SMS: variants seen among roughly 807,000 people sequenced by gnomAD.
SMS encodes spermine synthase, also known as spermidine aminopropyltransferase.
A neutral mutation model predicts 33.0 loss-of-function variants in SMS; 3 were observed. The ratio of observed to expected loss-of-function variants is 0.09; its 90% confidence interval spans 0.04 to 0.23. The LOEUF (loss-of-function observed/expected upper bound fraction) is 0.23. Ranked by LOEUF, SMS falls within the 10% of genes least tolerant of loss-of-function variation. SMS has a pLI of 1.00. For synonymous variants in SMS, 103 were observed against 112.2 expected (o/e 0.92, Z 0.52); for missense variants, 117 against 288.6 (o/e 0.41, Z 4.31).
chrX:21,992,376 A>C (rs942147128), intron 9 of SMS, among the ~76,000 whole-genome samples: 1 of 112,724 alleles, frequency 8.9e-6, no homozygotes, highest in Non-Finnish European at 1.9e-5. Flanking sequence ...ATATTCTAAT[A>C]ATTTGAAATG....
intron 1 of SMS, among the ~76,000 whole-genome samples, chrX:21,950,424 A>G (rs1922520988): frequency 2.1e-5 from 2 of 94,510 alleles, no homozygotes; most frequent in African/African-American, 4.2e-5. Flanking sequence ...ATGCAAGAAT[A>G]TGACAGGACT....
At position 21,940,733 on chromosome X, in the gene SMS, A is replaced by ACTCCCAGCCGGGCGCAGCG; in HGVS notation, c.-91_-90insTCCCAGCCGGGCGCAGCGC. On this transcript the variant is annotated 5_prime_UTR_variant, in exon 1 of 11. Transcript: ENST00000404933. Reference sequence around the variant, plus strand: ...TAGTCCTGGCCTCCCCGGGCGCAGCACACTCCCAGCCGGCCGCAGCCTGAC... The same window carrying ACTCCCAGCCGGGCGCAGCG: ...TAGTCCTGGCCTCCCCGGGCGCAGCACTCCCAGCCGGGCGCAGCGCACTCCCAGCCGGCCGCAGCCTGAC... 7 of 746,355 alleles carry ACTCCCAGCCGGGCGCAGCG rather than the reference A, an allele frequency of 9.4e-6. No homozygotes were observed. The highest frequency in any genetic ancestry group is 9.5e-6 in the Non-Finnish European group (5 of 527,959). 61.5% of individuals were successfully genotyped at this position (746,355 alleles called of 1,213,427 possible). A position where few individuals can be genotyped will look rare whatever the true frequency, so the allele number is the denominator to read the frequency against.
Position 21,985,087 on chromosome X carries a change from G to T in SMS, c.866-57G>T. ...TTGAGTATTCGAATATTTTACTTCA[G>T]ATGTTGTGGATACATACAAACCCAT... On this transcript the variant is annotated intron_variant, in intron 8 of 10. Transcript: ENST00000404933. 4.1e-6 allele frequency: 3 copies of T among 734,675 alleles called. No homozygotes were observed. The South Asian group carries it at 6.3e-5, about 16-fold the overall frequency. The allele number at this position is 734,675 out of a possible 1,213,427, so 60.5% of individuals were successfully genotyped here. A position where few individuals can be genotyped will look rare whatever the true frequency, so the allele number is the denominator to read the frequency against.
At chrX:21,944,544 A>AAAAAAAAAAAAAAAAAAAAAGAAAAG (rs1555992699) in intron 1 of SMS, among the ~76,000 whole-genome samples, 14 of 99,044 alleles carry the variant, frequency 1.4e-4, no homozygotes, top group East Asian at 6.7e-4. Flanking sequence ...AAAAAAAAAA[A>AAAAAAAAAAAAAAAAAAAAAGAAAAG]AGAAAAAAAA....
intron 8 of SMS, among the ~76,000 whole-genome samples, 156 bp from the exon 9 acceptor site, chrX:21,984,988 T>C (rs1294046468): frequency 1.8e-5 from 2 of 112,328 alleles, no homozygotes; most frequent in African/African-American, 3.2e-5. Context: ...ATCAATTTCA[T>C]TATCGTTCAT....
intron 9 of SMS, among the ~76,000 whole-genome samples, chrX:21,988,664 AAAAAAAAAAAAAAAAAAAAAAAAAAAAAG>A (rs1251148665): frequency 8.2e-4 from 4 of 4,892 alleles, no homozygotes; most frequent in Non-Finnish European, 1.8e-3. Flanking sequence ...CTCTGTCTCA[AAAAAAAAAAAAAAAAAAAAAAAAAAAAAG>A]GAGTCAGGTT....
At chrX:21,941,190 G>A (rs1221322244) in intron 1 of SMS, 1 of 113,681 alleles carries the variant, frequency 8.8e-6, no homozygotes, top group Non-Finnish European at 1.8e-5. Context: ...ACGCGGGCTC[G>A]CCGCCTTCGC....
intron 1 of SMS, among the ~76,000 whole-genome samples, chrX:21,957,699 A>T (rs368089766): frequency 9.8e-4 from 110 of 112,414 alleles, no homozygotes; most frequent in Middle Eastern, 4.6e-3. Flanking sequence ...GCTGTTTTCC[A>T]TAGTGGTTGT....
chrX:21,971,088 C>G (rs753397048), intron 2 of SMS, among the ~76,000 whole-genome samples: 1 of 108,551 alleles, frequency 9.2e-6, no homozygotes, highest in Non-Finnish European at 1.9e-5. Flanking sequence ...CCCAGCTACT[C>G]GGGAGGCTGA....
At chrX:21,985,334 G>A in intron 9 of SMS, 111 bp downstream of exon 9, 2 of 498,832 alleles carry the variant, frequency 4.0e-6, no homozygotes, top group Admixed American at 5.3e-5. Context: ...CGGCATCATC[G>A]GATTATGTTC....
intron 1 of SMS, among the ~76,000 whole-genome samples, chrX:21,946,003 T>C (rs749511789): frequency 3.0e-4 from 34 of 112,336 alleles, no homozygotes; most frequent in African/African-American, 9.7e-4. Context: ...CTGAGCAAAA[T>C]TGATATTTAA....
intron 1 of SMS, among the ~76,000 whole-genome samples, chrX:21,954,709 T>G (rs5904497): frequency 0.54 from 60,001 of 110,610 alleles, 13,012 homozygotes; most frequent in Non-Finnish European, 0.7. Context: ...GTGTATCAAG[T>G]ACGGTCTAAT....
Position 21,978,879 on chromosome X carries a change from T to C in SMS, c.663T>C (p.Ile221=). 8.3e-7 allele frequency: 1 copy of C among 1,200,578 alleles called. No homozygotes were observed. The highest frequency in any genetic ancestry group is 1.1e-6 in the Non-Finnish European group (1 of 885,363). The change falls in exon 7 of 11, where the codon ATT becomes ATC. Residue 221 remains isoleucine (I), a splice_region_variant and synonymous_variant. Coordinates refer to ENST00000404933, the MANE Select transcript of SMS (RefSeq NM_004595.5). The part of the protein sequence containing the change: ...LKPKMVTMVE[I]DQMVIDGCKK... ...ATTCTCCTTAACCTGTTGCGGACAT[T>C]GACCAAATGGTGATTGATGGGTGTA...
chrX:21,978,170 T>C, intron 6 of SMS, 56 bp downstream of exon 6: 2 of 1,086,490 alleles, frequency 1.8e-6, no homozygotes, highest in Non-Finnish European at 2.6e-6. Flanking sequence ...TTTCCTTCCT[T>C]CAGTGTCTCA....
rs769275577 is a variant in SMS at position 21,978,982 on chromosome X, A to T, written c.750+16A>T. On this transcript the variant is annotated intron_variant, in intron 7 of 10. Coordinates refer to ENST00000404933, the MANE Select transcript of SMS (RefSeq NM_004595.5). ...CTGCTATCAGGTAATTGTTTTCTGG[A>T]TAATGTAGTTTTAAGTGAACTAATA... is the stretch of plus-strand genomic sequence containing the variant. 9.2e-7 allele frequency: 1 copy of T among 1,087,228 alleles called. No individual in the cohort carries two copies. The highest frequency in any genetic ancestry group is 2.2e-5 in the Admixed American group (1 of 45,851). 89.6% of individuals were successfully genotyped at this position (1,087,228 alleles called of 1,213,427 possible).
At chrX:21,972,369 A>G in intron 3 of SMS, 138 bp from the exon 4 acceptor site, 1 of 508,614 alleles carries the variant, frequency 2.0e-6, no homozygotes, top group Non-Finnish European at 3.6e-6. Flanking sequence ...CCAGGCGTCT[A>G]CAGGCTGCTA....
intron 1 of SMS, among the ~76,000 whole-genome samples, chrX:21,964,804 C>T (rs916563829): frequency 8.9e-6 from 1 of 111,853 alleles, no homozygotes; most frequent in East Asian, 2.8e-4. Flanking sequence ...AAGTTGAAAA[C>T]GAATTTTGGG....
At chrX:21,968,689 G>A (rs761493431) in intron 2 of SMS, among the ~76,000 whole-genome samples, 2 of 112,301 alleles carry the variant, frequency 1.8e-5, no homozygotes, top group Non-Finnish European at 3.8e-5. Flanking sequence ...CAAGAAACCA[G>A]TGCGTTGAGC....
intron 4 of SMS, among the ~76,000 whole-genome samples, chrX:21,976,425 CTG>C (rs1924534668): frequency 9.0e-6 from 1 of 111,142 alleles, no homozygotes; most frequent in Non-Finnish European, 1.9e-5. Context: ...GATGTGATGC[CTG>C]TGTAATATAT....
Sources: allele counts gnomAD v4.1 joint callset (sites outside exome capture counted in the v4.1 genomes callset), GRCh38; gene constraint gnomAD v4.1.1; transcripts MANE v1.5; gene names NCBI Gene and HGNC (gene_info 2026-07-23, HGNC 2026-07-21).